Variants in PBX1 observed in about 807,000 individuals in gnomAD.
PBX1 encodes PBX homeobox 1, also known as pre-B-cell leukemia transcription factor 1.
Under a neutral mutation model 53.4 loss-of-function variants are expected in PBX1, and 6 were observed. The observed-to-expected ratio is 0.11, with a 90% CI of 0.06 to 0.22. The LOEUF is 0.22. Ranked by LOEUF, PBX1 falls within the 10% of genes least tolerant of loss-of-function variation. PBX1 has a pLI of 1.00. For missense variants in PBX1, 251 were observed against 551.4 expected, an observed-to-expected ratio of 0.46 and a Z score of 5.46; for synonymous variants, 204 against 212.3, an observed-to-expected ratio of 0.96 and a Z score of 0.34.
At chr1:164,832,497 G>A (rs1357885341) in intron 8 of PBX1, among the ~76,000 whole-genome samples, 2 of 152,118 alleles carry the variant, frequency 1.3e-5, no homozygotes, top group Admixed American at 6.5e-5. Flanking sequence ...GTGTTACTTC[G>A]CTGAGAAATG....
At chr1:164,856,996 C>G (rs1671992393) in intron 2 of PBX1, among the ~76,000 whole-genome samples, 1 of 152,156 alleles carries the variant, frequency 6.6e-6, no homozygotes, top group East Asian at 1.9e-4. Context: ...CCACTTCTGA[C>G]AACAGATGAG....
At chr1:164,582,617 T>G (rs1319319489) in intron 2 of PBX1, among the ~76,000 whole-genome samples, 1 of 151,974 alleles carries the variant, frequency 6.6e-6, no homozygotes, top group Non-Finnish European at 1.5e-5. Context: ...GAGATGGGGT[T>G]TCATCATATT....
downstream of PBX1, among the ~76,000 whole-genome samples, chr1:164,855,740 A>C (rs188219258): frequency 9.8e-5 from 15 of 152,332 alleles, no homozygotes; most frequent in Admixed American, 4.6e-4. Flanking sequence ...GTTGAGTACT[A>C]TCAAATAGAA....
intron 6 of PBX1, chr1:164,814,744 A>C (rs143809058): frequency 6.5e-6 from 1 of 154,764 alleles, no homozygotes; most frequent in East Asian, 1.9e-4. Flanking sequence ...AACTCCAAAA[A>C]CAAAACAAAC....
intron 2 of PBX1, among the ~76,000 whole-genome samples, chr1:164,857,563 C>A (rs559644515): frequency 6.6e-6 from 1 of 152,298 alleles, no homozygotes; most frequent in African/African-American, 2.4e-5. Flanking sequence ...GCTGAAAGTT[C>A]TAACCTTTTA....
chr1:164,688,322 G>A (rs1662249493), intron 2 of PBX1, among the ~76,000 whole-genome samples: 1 of 152,204 alleles, frequency 6.6e-6, no homozygotes, highest in South Asian at 2.1e-4. Flanking sequence ...AGTAGAGAGA[G>A]TTTCTGATGT....
chr1:164,764,155 C>T (rs977777622), intron 2 of PBX1, among the ~76,000 whole-genome samples: 2 of 152,126 alleles, frequency 1.3e-5, no homozygotes, highest in African/African-American at 4.8e-5. Context: ...TGTCAATGAG[C>T]TCAGCAAGTG....
At chr1:164,609,687 TTC>T (rs1444502106) in intron 2 of PBX1, among the ~76,000 whole-genome samples, 1 of 152,102 alleles carries the variant, frequency 6.6e-6, no homozygotes, top group African/African-American at 2.4e-5. Context: ...CCTAAAACCT[TTC>T]TGTTGCGCTT....
intron 2 of PBX1, among the ~76,000 whole-genome samples, chr1:164,659,553 G>C (rs1365809705): frequency 6.6e-6 from 1 of 152,172 alleles, no homozygotes; most frequent in Non-Finnish European, 1.5e-5. Flanking sequence ...GTTGGGATTT[G>C]TACCGAGGAA....
At chr1:164,668,556 C>T (rs995158567) in intron 2 of PBX1, among the ~76,000 whole-genome samples, 1 of 152,162 alleles carries the variant, frequency 6.6e-6, no homozygotes, top group Admixed American at 6.5e-5. Context: ...TAACAGGGAG[C>T]CTCCGAGCCC....
intron 2 of PBX1, among the ~76,000 whole-genome samples, chr1:164,705,570 C>G (rs1204613179): frequency 6.6e-6 from 1 of 152,112 alleles, no homozygotes; most frequent in Non-Finnish European, 1.5e-5. Context: ...GAAACCAGAC[C>G]TCATATTCTT....
chr1:164,593,770 G>A (rs949564857), intron 2 of PBX1, among the ~76,000 whole-genome samples: 6 of 152,144 alleles, frequency 3.9e-5, no homozygotes, highest in Non-Finnish European at 2.9e-5. Context: ...GGGGACCAAG[G>A]TGCTTTTCAC....
chr1:164,563,358 A>G lies in PBX1; in HGVS notation c.265+47A>G, dbSNP rs778324996. 8 of 1,243,452 alleles carry G rather than the reference A, an allele frequency of 6.4e-6. No homozygotes were observed. In the African/African-American group the frequency reaches 1.2e-4, roughly 18 times the overall value. The allele number at this position is 1,243,452 out of a possible 1,614,324, so 77.0% of individuals were successfully genotyped here. A position where few individuals can be genotyped will look rare whatever the true frequency, so the allele number is the denominator to read the frequency against. On this transcript the variant is annotated intron_variant, in intron 2 of 8. Coordinates refer to ENST00000420696, the MANE Select transcript of PBX1 (RefSeq NM_002585.4). ...TTTAGCATTTTCTTTGGCCAATTAA[A>G]TCACTTAACCAGCAGTCACAAATCT...
At chr1:164,765,419 C>T (rs758073025) in intron 2 of PBX1, among the ~76,000 whole-genome samples, 3 of 152,170 alleles carry the variant, frequency 2.0e-5, no homozygotes, top group Non-Finnish European at 4.4e-5. Context: ...GAAGAGGGAA[C>T]TTGGCTTCAT....
chr1:164,570,458 G>A (rs1356515849), intron 2 of PBX1, among the ~76,000 whole-genome samples: 14 of 152,182 alleles, frequency 9.2e-5, no homozygotes, highest in South Asian at 2.1e-4. Flanking sequence ...AACATGCGGT[G>A]TTTGATTTTC....
chr1:164,620,153 C>G (rs7523756), intron 2 of PBX1, among the ~76,000 whole-genome samples: 1 of 152,130 alleles, frequency 6.6e-6, no homozygotes, highest in South Asian at 2.1e-4. Context: ...ATGATTGGAC[C>G]TGGCAGCAGA....
intron 2 of PBX1, among the ~76,000 whole-genome samples, chr1:164,614,054 G>T (rs1038420762): frequency 1.9e-4 from 29 of 152,172 alleles, no homozygotes; most frequent in Non-Finnish European, 3.4e-4. Context: ...TGTTGTTGGG[G>T]AAGCAGAAGC....
chr1:164,670,434 A>G (rs73028033), intron 2 of PBX1, among the ~76,000 whole-genome samples: 5,992 of 152,264 alleles, frequency 0.039, 370 homozygotes, highest in African/African-American at 0.13. Context: ...TATGTATGTC[A>G]GCTATCCCTC....
At chr1:164,640,907 G>C (rs1312618283) in intron 2 of PBX1, 5 of 152,354 alleles carry the variant, frequency 3.3e-5, no homozygotes, top group Non-Finnish European at 5.9e-5. Flanking sequence ...GGGCAAACCA[G>C]ATGTTAATAG....
Sources: gnomAD v4.1 joint callset for allele counts (sites outside exome capture counted in the v4.1 genomes callset) on GRCh38, gnomAD v4.1.1 for gene constraint, MANE v1.5 for transcripts, NCBI Gene and HGNC (gene_info 2026-07-23, HGNC 2026-07-21) for gene names.